Variants in EPB41L3 observed in about 807,000 individuals in gnomAD.
EPB41L3 encodes erythrocyte membrane protein band 4.1 like 3, also known as band 4.1-like protein 3.
EPB41L3 carries 57 observed loss-of-function variants against 127.1 expected under a neutral mutation model. The observed-to-expected ratio is 0.45, with a 90% CI of 0.36 to 0.56. The LOEUF is 0.56. EPB41L3 is among the 20% of genes least tolerant of loss of function. The probability of loss-of-function intolerance (pLI) is 0.00; values close to 1 mark genes in which losing one functional copy is unlikely to be tolerated. For synonymous variants in EPB41L3, 572 were observed against 549.5 expected (o/e 1.04, Z -0.57); for missense variants, 1,273 against 1,372.2 (o/e 0.93, Z 1.14).
chr18:5,550,135 C>A (rs1164035377), intron 3 of EPB41L3, among the ~76,000 whole-genome samples: 1 of 152,150 alleles, frequency 6.6e-6, no homozygotes, highest in Non-Finnish European at 1.5e-5. Flanking sequence ...CAAGGGATGT[C>A]TCATTAAAAT....
chr18:5,428,386 C>T lies in EPB41L3; in HGVS notation c.992G>A (p.Arg331Lys). 6.2e-7 allele frequency: 1 copy of T among 1,614,220 alleles called. No individual in the cohort carries two copies. The highest frequency in any genetic ancestry group is 8.5e-7 in the Non-Finnish European group (1 of 1,180,042). The change falls in exon 9 of 23, where the codon AGA becomes AAA. Residue 331 changes from arginine (R) to lysine (K), a missense_variant. Physicochemically the swap from Arg to Lys is conservative, Grantham distance 26. This residue lies in a region of EPB41L3 where 326 missense variants were observed against 440.2 expected (regional missense o/e 0.74). Coordinates refer to ENST00000341928, the MANE Select transcript of EPB41L3 (RefSeq NM_012307.5). ...CTTTAGAACCTTGGGCCAGGCAAAT[C>T]TGTTTATTCGCAGCCGGTCGCGATA... The part of the protein sequence containing the change: ...LIYRDRLRIN[R>K]FAWPKVLKIS...
chr18:5,502,871 G>T (rs2148536290), intron 1 of EPB41L3, among the ~76,000 whole-genome samples: 1 of 152,280 alleles, frequency 6.6e-6, no homozygotes, highest in East Asian at 1.9e-4. Context: ...CTTTTGGAGG[G>T]AAGAGGTGAG....
chr18:5,500,288 A>C (rs2091624693), intron 1 of EPB41L3, among the ~76,000 whole-genome samples: 1 of 152,216 alleles, frequency 6.6e-6, no homozygotes. Context: ...GCAAAAAGAT[A>C]TCTTTGGCAC....
At position 5,416,304 on chromosome 18, in the gene EPB41L3, C is replaced by G; in HGVS notation, c.1581G>C (p.Glu527Asp). The change falls in exon 13 of 23, where the codon GAG becomes GAC. Residue 527 changes from glutamate to aspartate, a missense_variant. Physicochemically the swap from Glu to Asp is conservative, Grantham distance 45. Coordinates refer to ENST00000341928, the MANE Select transcript of EPB41L3 (RefSeq NM_012307.5). ...CATTCTCCTTACACCTCCTACGGAGCTCTGTGGGAGATGTGGGGGCACAAT... is the reference window on the plus strand; with the variant it reads ...CATTCTCCTTACACCTCCTACGGAGGTCTGTGGGAGATGTGGGGGCACAAT... ...STHCAPTSPT[E>D]LRRRCKENDC... 1 of 1,614,036 alleles carries G rather than the reference C, an allele frequency of 6.2e-7. No homozygotes were observed. The highest frequency in any genetic ancestry group is 8.5e-7 in the Non-Finnish European group (1 of 1,180,018).
intron 1 of EPB41L3, among the ~76,000 whole-genome samples, chr18:5,528,234 T>A (rs932427495): frequency 1.3e-5 from 2 of 152,088 alleles, no homozygotes; most frequent in Non-Finnish European, 2.9e-5. Context: ...AGTGGTGCAA[T>A]CATAGCTCAC....
intron 1 of EPB41L3, among the ~76,000 whole-genome samples, chr18:5,523,591 G>A (rs1490218584): frequency 6.6e-6 from 1 of 152,140 alleles, no homozygotes; most frequent in Non-Finnish European, 1.5e-5. Flanking sequence ...CTGAGGTCAG[G>A]AGTGATCAAC....
chr18:5,576,344 T>C (rs971416456), intron 3 of EPB41L3, among the ~76,000 whole-genome samples: 1 of 152,184 alleles, frequency 6.6e-6, no homozygotes, highest in African/African-American at 2.4e-5. Flanking sequence ...AGCAACTTAG[T>C]AGTTGGCAGG....
intron 5 of EPB41L3, among the ~76,000 whole-genome samples, chr18:5,439,495 C>A (rs2080350098): frequency 6.6e-6 from 1 of 152,192 alleles, no homozygotes; most frequent in South Asian, 2.1e-4. Context: ...ATAGATCCAT[C>A]CATGTATTAG....
rs762937199 is a variant in EPB41L3, at chr18:5,489,113, C to T, written c.71G>A (p.Gly24Glu). 16 of 1,594,794 alleles carry T rather than the reference C, an allele frequency of 1.0e-5. No individual in the cohort carries two copies. In the South Asian group the frequency reaches 1.6e-4, roughly 16 times the overall value. ...GGGCGCCCCCGCGCGCCCCTGCGCC[C>T]CCGCCGCCTCCTGGGGCTCGGCCTC... ...DQEAEPQEAAGAQGRAGAPVP... is the reference protein window; with the variant it reads ...DQEAEPQEAAEAQGRAGAPVP... The change falls in exon 2 of 23, where the codon GGG (glycine) becomes GAG (glutamate). Residue 24 changes from glycine to glutamate, a missense_variant. Transcript: ENST00000341928.
At chr18:5,532,998 C>CA (rs894265841) in intron 1 of EPB41L3, among the ~76,000 whole-genome samples, 57 of 148,200 alleles carry the variant, frequency 3.8e-4, no homozygotes, top group East Asian at 9.9e-4. Flanking sequence ...GGACACTGGG[C>CA]AAAAAAAAAG....
intron 3 of EPB41L3, among the ~76,000 whole-genome samples, chr18:5,585,860 G>T (rs1191392971): frequency 2.6e-5 from 4 of 152,090 alleles, no homozygotes; most frequent in Non-Finnish European, 5.9e-5. Context: ...TCCCTGCTTG[G>T]GTGTCATGTT....
In EPB41L3 at chr18:5,489,109, C is replaced by T; in HGVS notation, c.75G>A (p.Ala25=). 6 of 1,593,816 alleles carry T rather than the reference C, an allele frequency of 3.8e-6. No individual in the cohort carries two copies. The highest frequency in any genetic ancestry group is 4.6e-5 in the East Asian group (2 of 43,846). Residue 25 remains alanine, a synonymous_variant, in exon 2 of 23, where the codon GCG becomes GCA. Coordinates refer to ENST00000341928, the MANE Select transcript of EPB41L3 (RefSeq NM_012307.5). ...QEAEPQEAAG[A]QGRAGAPVPE... ...GCACGGGCGCCCCCGCGCGCCCCTG[C>T]GCCCCCGCCGCCTCCTGGGGCTCGG...
intron 3 of EPB41L3, among the ~76,000 whole-genome samples, chr18:5,606,882 T>TTCTCTC (rs59299599): frequency 9.2e-4 from 130 of 141,624 alleles, no homozygotes; most frequent in African/African-American, 2.9e-3. Flanking sequence ...CATGGCGTCA[T>TTCTCTC]TCTCTCTCTC....
upstream of EPB41L3, among the ~76,000 whole-genome samples, chr18:5,547,012 CAAT>C (rs2093892014): frequency 6.6e-6 from 1 of 151,824 alleles, no homozygotes; most frequent in Non-Finnish European, 1.5e-5. Flanking sequence ...CTGTATGGTT[CAAT>C]AATATTAGGG....
chr18:5,524,967 T>C (rs1400535265), intron 1 of EPB41L3, among the ~76,000 whole-genome samples: 1 of 152,166 alleles, frequency 6.6e-6, no homozygotes, highest in Non-Finnish European at 1.5e-5. Context: ...ATGCACACAA[T>C]AAAAGCTCCC....
In EPB41L3 at chr18:5,398,041, T is replaced by G. The variant is rs771853054; in HGVS notation, c.2452A>C (p.Thr818Pro). 2 of 1,614,026 alleles carry G rather than the reference T, an allele frequency of 1.2e-6. No individual in the cohort carries two copies. The highest frequency in any genetic ancestry group is 2.2e-5 in the South Asian group (2 of 91,082). Reference protein sequence around the residue: ...PTEFIGGVTSTSQSWVQKMET... With the variant: ...PTEFIGGVTSPSQSWVQKMET... Reference sequence around the variant, plus strand: ...GCCACCTGAACCCAGCTTTGAGAAGTAGAAGTAACCCCTCCTATGAATTCT... The same window carrying G: ...GCCACCTGAACCCAGCTTTGAGAAGGAGAAGTAACCCCTCCTATGAATTCT... The change falls in exon 17 of 23, where the codon ACT (threonine) becomes CCT (proline). Residue 818 changes from threonine to proline, a missense_variant. Physicochemically the swap from Thr to Pro is conservative, Grantham distance 38. Around this residue, in one of 3 missense-constraint regions of EPB41L3, gnomAD observed 765 missense variants for 782.9 expected, o/e 0.98. Transcript: ENST00000341928.
chr18:5,524,171 T>G (rs1239045262), intron 1 of EPB41L3, among the ~76,000 whole-genome samples: 1 of 149,012 alleles, frequency 6.7e-6, no homozygotes. Context: ...CTCTTTTCAT[T>G]TTTTTTTTTG....
chr18:5,464,946 A>G (rs1222765719), intron 3 of EPB41L3, among the ~76,000 whole-genome samples: 1 of 152,234 alleles, frequency 6.6e-6, no homozygotes, highest in Admixed American at 6.5e-5. Context: ...AAGGAACACT[A>G]TACCTACTTG....
At chr18:5,585,513 AGGCTG>A (rs2094434489) in intron 3 of EPB41L3, among the ~76,000 whole-genome samples, 1 of 152,144 alleles carries the variant, frequency 6.6e-6, no homozygotes, top group Non-Finnish European at 1.5e-5. Context: ...CATGTTGGCC[AGGCTG>A]GCCAACAAGT....
Sources: allele counts gnomAD v4.1 joint callset (sites outside exome capture counted in the v4.1 genomes callset), GRCh38; gene constraint gnomAD v4.1.1; regional missense constraint gnomAD v4.1.1; transcripts MANE v1.5; gene names NCBI Gene and HGNC (gene_info 2026-07-23, HGNC 2026-07-21).